PLEKHH2: variants seen among roughly 807,000 people sequenced by gnomAD.
PLEKHH2 encodes pleckstrin homology domain-containing family H member 2.
In PLEKHH2, 129 loss-of-function variants were observed where a neutral mutation model predicts 187.9. The observed-to-expected ratio is 0.69, with a 90% confidence interval of 0.59 to 0.79. The LOEUF is 0.79. Among genes scored for constraint, PLEKHH2 ranks in the 30% least tolerant of loss-of-function variants. PLEKHH2 has a pLI of 0.00. For synonymous variants in PLEKHH2, 686 were observed against 605.6 expected (o/e 1.13, Z -1.95); for missense variants, 2,076 against 1,751.2 (o/e 1.19, Z -3.31).
chr2:43,754,207 A>C lies in PLEKHH2; in HGVS notation c.3795+447A>C, dbSNP rs527352665. On this transcript the variant is annotated intron_variant, in intron 25 of 29. Transcript: ENST00000282406. ...ACACACACACACACACACACACACA[A>C]AATTAATACTGACTTAATCAGAATA... 2.6e-4 allele frequency among the ~76,000 whole-genome samples: 36 copies of C among 139,654 alleles called. No homozygotes were observed. The East Asian group carries it at 6.8e-3, about 27-fold the overall frequency. 91.6% of individuals were successfully genotyped at this position (139,654 alleles called of 152,430 possible).
intron 21 of PLEKHH2, 129 bp downstream of exon 21, chr2:43,741,172 C>A: frequency 1.3e-6 from 1 of 756,404 alleles, no homozygotes; most frequent in Non-Finnish European, 1.9e-6. Context: ...GTACAGGAAG[C>A]CTTTGGTTAT....
In PLEKHH2 at chr2:43,745,933, C is replaced by G. The variant is rs972816439; in HGVS notation, c.3623C>G (p.Thr1208Arg). The change falls in exon 24 of 30, where the codon ACA becomes AGA. Residue 1208 changes from threonine (T) to arginine (R), a missense_variant. Coordinates refer to ENST00000282406, the MANE Select transcript of PLEKHH2 (RefSeq NM_172069.4). ...KEQQPGKCEG[T>R]RTVRLTYKNR... is the part of the protein sequence containing the mutation. Reference sequence around the variant, plus strand: ...CAGCAGCCTGGAAAATGTGAAGGTACAAGGACTGTTCGTCTGACATACAAA... The same window carrying G: ...CAGCAGCCTGGAAAATGTGAAGGTAGAAGGACTGTTCGTCTGACATACAAA... The G allele has an allele frequency of 1.9e-6, 3 of 1,612,074 alleles. No individual in the cohort carries two copies. The highest frequency in any genetic ancestry group is 1.7e-6 in the Non-Finnish European group (2 of 1,178,750).
chr2:43,714,640 T>C (rs562983657), intron 15 of PLEKHH2, among the ~76,000 whole-genome samples: 5 of 152,304 alleles, frequency 3.3e-5, no homozygotes, highest in Admixed American at 2.6e-4. Flanking sequence ...CAGTCACTCT[T>C]GCAATTTTTA....
intron 2 of PLEKHH2, among the ~76,000 whole-genome samples, chr2:43,656,968 G>A (rs13026654): frequency 0.37 from 56,725 of 152,076 alleles, 10,921 homozygotes; most frequent in Non-Finnish European, 0.41. Context: ...GCAGTGAGCC[G>A]AGATCGCGCC....
chr2:43,710,365 T>G (rs1669897686), intron 13 of PLEKHH2, 35 bp downstream of exon 13: 1 of 1,599,556 alleles, frequency 6.3e-7, no homozygotes, highest in African/African-American at 1.3e-5. Flanking sequence ...AGAACGTAAT[T>G]CCTCAAACTA....
At chr2:43,638,010 T>A (rs758504139) in intron 1 of PLEKHH2, among the ~76,000 whole-genome samples, 1 of 152,150 alleles carries the variant, frequency 6.6e-6, no homozygotes, top group Non-Finnish European at 1.5e-5. Flanking sequence ...ACCACTTACA[T>A]TGGAAAAGCT....
chr2:43,754,099 C>T (rs1029859827), intron 25 of PLEKHH2, among the ~76,000 whole-genome samples: 3 of 150,700 alleles, frequency 2.0e-5, no homozygotes, highest in African/African-American at 7.3e-5. Flanking sequence ...GGAGTAAGTC[C>T]TTGAAAAGGC....
intron 19 of PLEKHH2, among the ~76,000 whole-genome samples, chr2:43,731,850 G>A (rs1166891053): frequency 6.6e-6 from 1 of 152,050 alleles, no homozygotes; most frequent in Non-Finnish European, 1.5e-5. Flanking sequence ...GAAATACTTG[G>A]TATCAGATGA....
chr2:43,758,084 G>A (rs554850191), intron 26 of PLEKHH2, among the ~76,000 whole-genome samples: 1 of 152,188 alleles, frequency 6.6e-6, no homozygotes, highest in African/African-American at 2.4e-5. Context: ...TTTATCGTGA[G>A]CTTTTCCAAA....
At position 43,700,545 on chromosome 2, in the gene PLEKHH2, C is replaced by G; in HGVS notation, c.1587C>G (p.Asp529Glu). 1 of 1,613,706 alleles carries G rather than the reference C, an allele frequency of 6.2e-7. No individual in the cohort carries two copies. The highest frequency in any genetic ancestry group is 1.1e-5 in the South Asian group (1 of 91,068). The change falls in exon 8 of 30, where the codon GAC becomes GAG. Residue 529 changes from aspartate (D) to glutamate (E), a missense_variant. Transcript: ENST00000282406. Reference protein sequence around the residue: ...SPNSDDQEHCDSAKKVAYSKP... With the variant: ...SPNSDDQEHCESAKKVAYSKP... The stretch of plus-strand genomic sequence containing the variant: ...ATTCAGATGACCAGGAACACTGTGA[C>G]TCAGCAAAGAAGGTGGCATACAGCA...
At chr2:43,650,333 A>G (rs1320419941) in intron 2 of PLEKHH2, among the ~76,000 whole-genome samples, 1 of 151,794 alleles carries the variant, frequency 6.6e-6, no homozygotes, top group East Asian at 1.9e-4. Context: ...GGGTTTCACC[A>G]TGTTGGCCAG....
chr2:43,658,973 C>CTTTTTT (rs34486426), intron 2 of PLEKHH2: 3 of 122,806 alleles, frequency 2.4e-5, no homozygotes, highest in African/African-American at 6.3e-5. Context: ...TTTTTTCTTT[C>CTTTTTT]TTTTTTTTTT....
chr2:43,764,151 G>T, intron 28 of PLEKHH2, 77 bp from the exon 29 acceptor site: 1 of 855,244 alleles, frequency 1.2e-6, no homozygotes, highest in Non-Finnish European at 1.7e-6. Flanking sequence ...TTTTAATGGA[G>T]ATATATTATT....
rs146576197 is a variant in PLEKHH2 at position 43,715,506 on chromosome 2, A to T, written c.2460+3123A>T. 1.8e-3 allele frequency among the ~76,000 whole-genome samples: 276 copies of T among 152,308 alleles called. 2 individuals are homozygous for T. Among genetic ancestry groups the T allele is most frequent in the African/African-American group, 6.5e-3 (269 of 41,576 alleles). ...TACTCTGCTAAGAGGAAGATGAATC[A>T]GTGGGAGGCAAGGTGGAGGTTCTAA... On this transcript the variant is annotated intron_variant, in intron 15 of 29. Transcript: ENST00000282406.
chr2:43,648,728 G>C (rs937032272), intron 2 of PLEKHH2, among the ~76,000 whole-genome samples: 9 of 151,858 alleles, frequency 5.9e-5, no homozygotes, highest in Admixed American at 3.9e-4. Flanking sequence ...TTACAGTCAT[G>C]GGCCACCACA....
At chr2:43,756,676 T>C (rs1672221928) in intron 25 of PLEKHH2, among the ~76,000 whole-genome samples, 2 of 152,102 alleles carry the variant, frequency 1.3e-5, no homozygotes, top group South Asian at 4.1e-4. Flanking sequence ...AGGCGGTGGC[T>C]CTGGCTCACG....
At chr2:43,643,640 C>G (rs1224214283) in intron 1 of PLEKHH2, among the ~76,000 whole-genome samples, 1 of 152,024 alleles carries the variant, frequency 6.6e-6, no homozygotes, top group East Asian at 1.9e-4. Flanking sequence ...CAGTTCCATT[C>G]CAGGGCTCTG....
At chr2:43,750,709 C>T (rs1038713156) in intron 24 of PLEKHH2, among the ~76,000 whole-genome samples, 4 of 152,174 alleles carry the variant, frequency 2.6e-5, no homozygotes, top group African/African-American at 2.4e-5. Context: ...AGAGTTAAGT[C>T]ACTTGCCTAA....
At chr2:43,668,125 C>T (rs1239344910) in intron 2 of PLEKHH2, among the ~76,000 whole-genome samples, 10 of 152,206 alleles carry the variant, frequency 6.6e-5, no homozygotes, top group Admixed American at 5.2e-4. Context: ...CTCTGCCACC[C>T]GGGTTCAAGT....
Sources: allele counts gnomAD v4.1 joint callset (sites outside exome capture counted in the v4.1 genomes callset), GRCh38; gene constraint gnomAD v4.1.1; transcripts MANE v1.5; gene names NCBI Gene and HGNC (gene_info 2026-07-23, HGNC 2026-07-21).